Variants in HNRNPC observed in about 807,000 individuals in gnomAD.
The protein encoded by HNRNPC is heterogeneous nuclear ribonucleoproteins C1/C2.
Under a neutral mutation model 33.2 loss-of-function variants are expected in HNRNPC, and 3 were observed. The ratio of observed to expected loss-of-function variants is 0.09; its 90% CI spans 0.04 to 0.23. The LOEUF is 0.23. Ranked by LOEUF, HNRNPC falls within the 10% of genes least tolerant of loss-of-function variation. HNRNPC has a pLI of 1.00. For missense variants in HNRNPC, 143 were observed against 366.7 expected, an observed-to-expected ratio of 0.39 and a Z score of 4.98; for synonymous variants, 121 against 126.7, an observed-to-expected ratio of 0.96 and a Z score of 0.30.
intron 5 of HNRNPC, among the ~76,000 whole-genome samples, chr14:21,215,921 G>A (rs59988950): frequency 0.4 from 54,434 of 136,774 alleles, 10,940 homozygotes; most frequent in East Asian, 0.7. Flanking sequence ...AAGAAAGGAA[G>A]AAAGAAAGAA....
At position 21,210,036 on chromosome 14, in the gene HNRNPC, A is replaced by G. The variant is rs192844483; in HGVS notation, c.*1187T>C. 1 of 152,376 alleles carries G rather than the reference A, an allele frequency of 6.6e-6. No individual in the cohort carries two copies. The highest frequency in any genetic ancestry group is 1.9e-4 in the East Asian group (1 of 5,196). 9.4% of individuals were successfully genotyped at this position (152,376 alleles called of 1,614,324 possible). On this transcript the variant is annotated 3_prime_UTR_variant, in exon 9 of 9. Transcript: ENST00000553300. ...ATCACCTGGGAAGGCAGTCTATGGA[A>G]TATCAGGAAGTAAGAGTTTTCTTGT...
intron 2 of HNRNPC, among the ~76,000 whole-genome samples, chr14:21,255,582 T>A (rs950297941): frequency 1.3e-5 from 2 of 152,236 alleles, no homozygotes; most frequent in Admixed American, 6.5e-5. Context: ...AGACTAGCTA[T>A]GCTATTTATG....
intron 1 of HNRNPC, among the ~76,000 whole-genome samples, chr14:21,266,779 GTAA>G (rs1469696526): frequency 1.3e-5 from 2 of 151,534 alleles, no homozygotes; most frequent in African/African-American, 4.9e-5. Context: ...GTTAAGAATA[GTAA>G]TAATAACTAC....
intron 2 of HNRNPC, chr14:21,262,812 CCA>C (rs1878453316): frequency 6.6e-6 from 1 of 151,854 alleles, no homozygotes; most frequent in South Asian, 2.1e-4. Flanking sequence ...TTAAGTAGTA[CCA>C]CACACATTTT....
chr14:21,215,925 G>A (rs1248096387), intron 5 of HNRNPC, among the ~76,000 whole-genome samples: 4 of 137,818 alleles, frequency 2.9e-5, no homozygotes, highest in Admixed American at 7.4e-5. Flanking sequence ...AAGGAAGAAA[G>A]AAAGAAAAGG....
chr14:21,231,177 C>T lies in HNRNPC; in HGVS notation c.242-105G>A, dbSNP rs766735905. On this transcript the variant is annotated intron_variant, in intron 3 of 8. Coordinates refer to ENST00000553300, the MANE Select transcript of HNRNPC (RefSeq NM_004500.4). Reference sequence around the variant, plus strand: ...TGAGACATAGTTTCGCTTTCTCGCTCAGGCTGGAGTGCAGTGGTGTCACCT... The same window carrying T: ...TGAGACATAGTTTCGCTTTCTCGCTTAGGCTGGAGTGCAGTGGTGTCACCT... The T allele has an allele frequency of 1.6e-4, 182 of 1,120,306 alleles. 1 individual carries two copies. The highest frequency in any genetic ancestry group is 2.2e-4 in the Non-Finnish European group (170 of 773,280). The allele number at this position is 1,120,306 out of a possible 1,614,324, so 69.4% of individuals were successfully genotyped here. A position where few individuals can be genotyped will look rare whatever the true frequency, so the allele number is the denominator to read the frequency against.
At position 21,213,022 on chromosome 14, in the gene HNRNPC, C is replaced by T. The variant is rs771115792; in HGVS notation, c.461G>A (p.Arg154Gln). 1 of 1,613,960 alleles carries T rather than the reference C, an allele frequency of 6.2e-7. No homozygotes were observed. ...KRQRVSGNTS[R>Q]RGKSGFNSKS... ...AGAATTGAAGCCACTTTTGCCCCTT[C>T]GTGAAGTGTTTCCTGATACACGCTG... Residue 154 changes from arginine (R) to glutamine (Q), a missense_variant, in exon 6 of 9, where the codon CGA (arginine) becomes CAA (glutamine). Arg to Gln is a conservative substitution (Grantham distance 43). Around this residue, in one of 2 missense-constraint regions of HNRNPC, gnomAD observed 131 missense variants for 253.0 expected, o/e 0.52. Coordinates refer to ENST00000553300, the MANE Select transcript of HNRNPC (RefSeq NM_004500.4).
chr14:21,219,108 C>G (rs1439414673), intron 5 of HNRNPC, among the ~76,000 whole-genome samples: 1 of 96,392 alleles, frequency 1.0e-5, no homozygotes, highest in Non-Finnish European at 2.1e-5. Flanking sequence ...GACTCTTTCT[C>G]AAAAAAAAAA....
At chr14:21,257,706 C>T (rs1311511055) in intron 2 of HNRNPC, among the ~76,000 whole-genome samples, 2 of 152,174 alleles carry the variant, frequency 1.3e-5, no homozygotes, top group African/African-American at 4.8e-5. Context: ...CCGCCTCAGC[C>T]TCCCAGGGAG....
chr14:21,241,134 T>C (rs1594272538), intron 2 of HNRNPC, among the ~76,000 whole-genome samples: 1 of 151,284 alleles, frequency 6.6e-6, no homozygotes, highest in Non-Finnish European at 1.5e-5. Flanking sequence ...GTGGCAGGCG[T>C]CTGTAATCCC....
At position 21,209,323 on chromosome 14, in the gene HNRNPC, A is replaced by C. The variant is rs1263556628; in HGVS notation, c.*1900T>G. The C allele has an allele frequency of 6.6e-6, 1 of 152,210 alleles. No individual in the cohort carries two copies. Among genetic ancestry groups the C allele is most frequent in the Non-Finnish European group, 1.5e-5 (1 of 68,032 alleles). 9.4% of individuals were successfully genotyped at this position (152,210 alleles called of 1,614,324 possible). ...GGGAGAGGCCCTACAGTGAAGGGAA[A>C]AGTAGACACTTGATTGTGGACTAAT... On this transcript the variant is annotated 3_prime_UTR_variant, in exon 9 of 9. Coordinates refer to ENST00000553300, the MANE Select transcript of HNRNPC (RefSeq NM_004500.4).
At chr14:21,253,249 GGTGA>G (rs2138939028) in intron 2 of HNRNPC, among the ~76,000 whole-genome samples, 1 of 150,656 alleles carries the variant, frequency 6.6e-6, no homozygotes, top group East Asian at 1.9e-4. Flanking sequence ...GGCCAAGGCA[GGTGA>G]ATTATGAAGT....
intron 2 of HNRNPC, among the ~76,000 whole-genome samples, chr14:21,258,573 T>C (rs1877625142): frequency 6.6e-6 from 1 of 152,088 alleles, no homozygotes; most frequent in Admixed American, 6.6e-5. Context: ...AATAACAGTA[T>C]CTACTCCTAC....
chr14:21,251,043 C>A (rs1460808665), intron 2 of HNRNPC, among the ~76,000 whole-genome samples: 1 of 151,936 alleles, frequency 6.6e-6, no homozygotes, highest in Admixed American at 6.6e-5. Context: ...GGGTAGATCA[C>A]GAGGTCAGGA....
Position 21,221,551 on chromosome 14 carries a change from A to G in HNRNPC, c.366-8434T>C, listed in dbSNP as rs562286578. Among the ~76,000 whole-genome samples the G allele has an allele frequency of 1.8e-4, 28 of 152,310 alleles. 1 individual carries two copies. The highest frequency in any genetic ancestry group is 1.6e-3 in the Admixed American group (25 of 15,304). On this transcript the variant is annotated intron_variant, in intron 5 of 8. Transcript: ENST00000553300. ...ACCCATAATCCTTAAAAACTCTACA[A>G]AACGACTTAGCACAAATGGATAGTT... is the stretch of plus-strand genomic sequence containing the variant.
At chr14:21,252,660 G>A (rs1896801610) in intron 2 of HNRNPC, among the ~76,000 whole-genome samples, 1 of 152,140 alleles carries the variant, frequency 6.6e-6, no homozygotes. Flanking sequence ...AACGTTTTTG[G>A]TGGGATAATT....
At chr14:21,257,725 C>T (rs1877476213) in intron 2 of HNRNPC, among the ~76,000 whole-genome samples, 1 of 152,172 alleles carries the variant, frequency 6.6e-6, no homozygotes, top group Non-Finnish European at 1.5e-5. Flanking sequence ...AGCTACACTA[C>T]AGCTGTGTGC....
intron 5 of HNRNPC, among the ~76,000 whole-genome samples, chr14:21,228,405 T>G (rs181098050): frequency 7.2e-5 from 11 of 152,334 alleles, no homozygotes; most frequent in Admixed American, 7.2e-4. Flanking sequence ...TTTGTTTTAT[T>G]TTTTGAGAAG....
Position 21,233,940 on chromosome 14 carries a change from A to C in HNRNPC, c.241+13T>G. On this transcript the variant is annotated intron_variant, in intron 3 of 8. Coordinates refer to ENST00000553300, the MANE Select transcript of HNRNPC (RefSeq NM_004500.4). ...AGGCCTGAATTACATCATCAATGAA[A>C]AAATTCACTTACCTAAAACCTGGCC... 2 of 1,610,928 alleles carry C rather than the reference A, an allele frequency of 1.2e-6. No homozygotes were observed.
Sources: allele counts gnomAD v4.1 joint callset (sites outside exome capture counted in the v4.1 genomes callset), GRCh38; gene constraint gnomAD v4.1.1; regional missense constraint gnomAD v4.1.1; transcripts MANE v1.5; gene names NCBI Gene and HGNC (gene_info 2026-07-23, HGNC 2026-07-21).